Variants in KCTD8 observed in about 807,000 individuals in gnomAD.
The protein encoded by KCTD8 is potassium channel tetramerization domain containing 8, also known as BTB/POZ domain-containing protein KCTD8.
A neutral mutation model predicts 31.5 loss-of-function variants in KCTD8; 27 were observed. The ratio of observed to expected loss-of-function variants is 0.86; its 90% confidence interval spans 0.63 to 1.18. KCTD8 has a LOEUF of 1.18. Ranked by LOEUF, KCTD8 falls within the 50% of genes most tolerant of loss-of-function variation. The probability of loss-of-function intolerance (pLI) is 0.00; values close to 1 mark genes in which losing one functional copy is unlikely to be tolerated. For missense variants in KCTD8, 658 were observed against 647.7 expected, an observed-to-expected ratio of 1.02 and a Z score of -0.17; for synonymous variants, 290 against 280.0, an observed-to-expected ratio of 1.04 and a Z score of -0.36.
chr4:44,414,372 T>C (rs893809527), intron 1 of KCTD8, among the ~76,000 whole-genome samples: 2 of 152,170 alleles, frequency 1.3e-5, no homozygotes, highest in Non-Finnish European at 2.9e-5. Flanking sequence ...TTCCCTTTGA[T>C]CTTCTGTGTT....
intron 1 of KCTD8, among the ~76,000 whole-genome samples, chr4:44,183,147 T>C (rs1713478641): frequency 6.6e-6 from 1 of 152,224 alleles, no homozygotes; most frequent in Non-Finnish European, 1.5e-5. Context: ...GTTTCTTGTG[T>C]TCTTAAATTT....
At chr4:44,368,584 GT>G (rs1719701320) in intron 1 of KCTD8, among the ~76,000 whole-genome samples, 2 of 152,060 alleles carry the variant, frequency 1.3e-5, no homozygotes, top group Admixed American at 6.6e-5. Context: ...TCCCCTGACT[GT>G]TGGAATTAGT....
intron 1 of KCTD8, among the ~76,000 whole-genome samples, chr4:44,384,250 T>C (rs1445436544): frequency 6.6e-6 from 1 of 151,754 alleles, no homozygotes; most frequent in Non-Finnish European, 1.5e-5. Flanking sequence ...TAGAAAACAG[T>C]AGGGAAGTTC....
chr4:44,235,069 A>C (rs1176381587), intron 1 of KCTD8, among the ~76,000 whole-genome samples: 1 of 152,092 alleles, frequency 6.6e-6, no homozygotes, highest in African/African-American at 2.4e-5. Context: ...TCAAAACATA[A>C]GTAATCAACA....
At chr4:44,378,565 T>C (rs1374526352) in intron 1 of KCTD8, among the ~76,000 whole-genome samples, 2 of 152,142 alleles carry the variant, frequency 1.3e-5, no homozygotes, top group Non-Finnish European at 2.9e-5. Flanking sequence ...GATTCTATTA[T>C]TGAAATGTGG....
At chr4:44,263,564 A>C (rs561345905) in intron 1 of KCTD8, among the ~76,000 whole-genome samples, 179 of 152,316 alleles carry the variant, frequency 1.2e-3, no homozygotes, top group Non-Finnish European at 1.9e-3. Context: ...GAGAATAGTT[A>C]AGAGTAGAAG....
intron 1 of KCTD8, among the ~76,000 whole-genome samples, chr4:44,308,179 G>T (rs138397356): frequency 1.7e-3 from 264 of 151,982 alleles, no homozygotes; most frequent in Middle Eastern, 3.4e-3. Context: ...GATGAGAAAC[G>T]AAAACATTTA....
At position 44,402,974 on chromosome 4, in the gene KCTD8, A is replaced by T. The variant is rs533568429; in HGVS notation, c.961+44589T>A. Among the ~76,000 whole-genome samples, 5 of 152,330 alleles carry T rather than the reference A, an allele frequency of 3.3e-5. No homozygotes were observed. The South Asian group carries it at 1.0e-3, about 32-fold the overall frequency. ...ATAAATGTGCCCCTTGGCACCCAGA[A>T]CTAGGAGCATGTGATCAGTGGAAGA... is the stretch of plus-strand genomic sequence containing the variant. On this transcript the variant is annotated intron_variant, in intron 1 of 1. Coordinates refer to ENST00000360029, the MANE Select transcript of KCTD8 (RefSeq NM_198353.3).
chr4:44,271,442 C>T lies in KCTD8; in HGVS notation c.962-96192G>A, dbSNP rs112849419. ...ACTCAGACTTCTAGTGTTCAAATCT[C>T]AATGTCACAGTTTACTGAGTGTGTG... is the stretch of plus-strand genomic sequence containing the variant. On this transcript the variant is annotated intron_variant, in intron 1 of 1. Coordinates refer to ENST00000360029, the MANE Select transcript of KCTD8 (RefSeq NM_198353.3). Among the ~76,000 whole-genome samples, 1,070 of 152,234 alleles carry T rather than the reference C, an allele frequency of 7.0e-3. 12 individuals carry two copies. Among genetic ancestry groups the T allele is most frequent in the African/African-American group, 0.024 (1,018 of 41,554 alleles).
intron 1 of KCTD8, among the ~76,000 whole-genome samples, chr4:44,389,043 C>T (rs73247526): frequency 0.15 from 22,106 of 151,568 alleles, 1,834 homozygotes; most frequent in Non-Finnish European, 0.19. Context: ...ACTTCACAAG[C>T]TCTTACTTAT....
chr4:44,250,109 T>C (rs1176196358), intron 1 of KCTD8, among the ~76,000 whole-genome samples: 1 of 151,830 alleles, frequency 6.6e-6, no homozygotes, highest in Non-Finnish European at 1.5e-5. Flanking sequence ...CTTTGTATAC[T>C]TGTGAAAATG....
chr4:44,286,939 G>T (rs868751525), intron 1 of KCTD8, among the ~76,000 whole-genome samples: 8 of 152,120 alleles, frequency 5.3e-5, no homozygotes, highest in Non-Finnish European at 1.2e-4. Flanking sequence ...GAAAGAAAGA[G>T]AAATTAATGT....
At chr4:44,276,975 T>C (rs758192992) in intron 1 of KCTD8, among the ~76,000 whole-genome samples, 15 of 151,982 alleles carry the variant, frequency 9.9e-5, no homozygotes, top group African/African-American at 1.7e-4. Context: ...TACTTAACTC[T>C]GTGACATTGG....
intron 1 of KCTD8, among the ~76,000 whole-genome samples, chr4:44,228,473 CAATT>C (rs952979081): frequency 2.0e-5 from 3 of 152,164 alleles, no homozygotes; most frequent in Middle Eastern, 3.2e-3. Context: ...GGGAGGAACA[CAATT>C]AACTCCCAAC....
intron 1 of KCTD8, among the ~76,000 whole-genome samples, chr4:44,194,362 A>C (rs1285317966): frequency 6.6e-6 from 1 of 152,230 alleles, no homozygotes; most frequent in East Asian, 1.9e-4. Flanking sequence ...GTAAAAGATC[A>C]TGAAATGCTA....
chr4:44,336,000 A>T (rs1190854474), intron 1 of KCTD8, among the ~76,000 whole-genome samples: 5 of 150,586 alleles, frequency 3.3e-5, no homozygotes, highest in Non-Finnish European at 5.9e-5. Flanking sequence ...AATACAAAAA[A>T]TTAGCCGGGC....
intron 1 of KCTD8, among the ~76,000 whole-genome samples, chr4:44,357,905 A>ATTATT (rs1560434983): frequency 2.0e-5 from 3 of 151,182 alleles, no homozygotes; most frequent in Non-Finnish European, 2.9e-5. Context: ...TTATTATTAT[A>ATTATT]ATTATTATTA....
intron 1 of KCTD8, among the ~76,000 whole-genome samples, chr4:44,393,438 A>C (rs1720419578): frequency 6.6e-6 from 1 of 151,886 alleles, no homozygotes; most frequent in Non-Finnish European, 1.5e-5. Flanking sequence ...GATGAAGGGA[A>C]AAAAACAGTA....
intron 1 of KCTD8, among the ~76,000 whole-genome samples, chr4:44,431,007 A>G (rs989050818): frequency 3.3e-5 from 5 of 151,646 alleles, no homozygotes; most frequent in Non-Finnish European, 5.9e-5. Flanking sequence ...GTAAAAAATG[A>G]ATACAAAATC....
Sources: allele counts gnomAD v4.1 joint callset (sites outside exome capture counted in the v4.1 genomes callset), GRCh38; gene constraint gnomAD v4.1.1; transcripts MANE v1.5; gene names NCBI Gene and HGNC (gene_info 2026-07-23, HGNC 2026-07-21).